TCF4: variants seen among roughly 807,000 people sequenced by gnomAD.
TCF4 encodes SL3-3 enhancer factor 2.
Under a neutral mutation model 82.1 loss-of-function variants are expected in TCF4, and 3 were observed. The observed-to-expected ratio is 0.04, with a 90% confidence interval of 0.02 to 0.09. The LOEUF (loss-of-function observed/expected upper bound fraction) is 0.09, where lower values mean the gene tolerates loss of function less well. TCF4 is among the 10% of genes least tolerant of loss of function. The probability of loss-of-function intolerance (pLI) is 1.00; values close to 1 mark genes in which losing one functional copy is unlikely to be tolerated. For missense variants in TCF4, 518 were observed against 852.7 expected (o/e 0.61, Z 4.89); for synonymous variants, 276 against 309.6 (o/e 0.89, Z 1.14).
chr18:55,248,443 G>T (rs2053980131), intron 15 of TCF4, among the ~76,000 whole-genome samples: 1 of 152,186 alleles, frequency 6.6e-6, no homozygotes, highest in African/African-American at 2.4e-5. Flanking sequence ...CATAGAAACA[G>T]AATCTTCTGA....
intron 3 of TCF4, among the ~76,000 whole-genome samples, chr18:55,507,764 G>T (rs2096779146): frequency 6.6e-6 from 1 of 152,168 alleles, no homozygotes; most frequent in African/African-American, 2.4e-5. Flanking sequence ...GTGGATTGGG[G>T]AGAAGATTTC....
chr18:55,272,576 G>C (rs1568599866), intron 10 of TCF4, among the ~76,000 whole-genome samples: 1 of 152,052 alleles, frequency 6.6e-6, no homozygotes, highest in Non-Finnish European at 1.5e-5. Flanking sequence ...TGATATACTG[G>C]TTGATAATTC....
chr18:55,378,518 T>C (rs1338465926), intron 6 of TCF4, among the ~76,000 whole-genome samples: 1 of 152,182 alleles, frequency 6.6e-6, no homozygotes, highest in Non-Finnish European at 1.5e-5. Flanking sequence ...TTAATGTCAA[T>C]TAATAGATGA....
exon 1 of TCF4, chr18:55,635,945 T>A (rs2148012259): frequency 1.3e-6 from 2 of 1,583,992 alleles, no homozygotes; most frequent in East Asian, 2.3e-5. Context: ...AGAAAGGTGA[T>A]ACTGTAGACA....
At chr18:55,269,402 C>T (rs1378663849) in intron 11 of TCF4, 2 of 268,688 alleles carry the variant, frequency 7.4e-6, no homozygotes, top group East Asian at 1.7e-4. Context: ...ATTAACCAGT[C>T]CTCGGAAGAC....
intron 3 of TCF4, among the ~76,000 whole-genome samples, chr18:55,542,885 T>G (rs1019136724): frequency 9.2e-5 from 14 of 152,100 alleles, no homozygotes; most frequent in Admixed American, 7.2e-4. Context: ...ATTAAACATC[T>G]AAAACTCTTA....
chr18:55,238,068 C>T (rs910163894), intron 15 of TCF4, among the ~76,000 whole-genome samples: 1 of 152,246 alleles, frequency 6.6e-6, no homozygotes, highest in Non-Finnish European at 1.5e-5. Flanking sequence ...ATCCAATGAT[C>T]TTGGCATTCT....
At chr18:55,253,314 C>T (rs895756045) in intron 15 of TCF4, among the ~76,000 whole-genome samples, 4 of 152,040 alleles carry the variant, frequency 2.6e-5, no homozygotes, top group Admixed American at 6.6e-5. Context: ...CATGCTTAAA[C>T]GAGAAATGCT....
intron 11 of TCF4, chr18:55,265,174 AC>A (rs1365589944): frequency 1.3e-5 from 2 of 152,264 alleles, no homozygotes; most frequent in Non-Finnish European, 2.9e-5. Flanking sequence ...TTTAATGCAC[AC>A]CCATCATCTA....
chr18:55,405,818 A>G (rs984300823), intron 5 of TCF4, among the ~76,000 whole-genome samples: 4 of 152,146 alleles, frequency 2.6e-5, no homozygotes, highest in African/African-American at 9.7e-5. Flanking sequence ...AGAGTCCCCA[A>G]AGTACTCTTG....
In TCF4 at chr18:55,286,089, T is replaced by C. The variant is rs2063608440; in HGVS notation, c.550-6433A>G. ...GCAGGAAATAAAAGGAAGAAACTCT[T>C]AATCCGCAATTTAGTCCTTGGCCTC... On this transcript the variant is annotated intron_variant, in intron 8 of 19. Transcript: ENST00000354452. 3.3e-5 allele frequency among the ~76,000 whole-genome samples: 5 copies of C among 152,230 alleles called. No homozygotes were observed. In the South Asian group the frequency reaches 8.3e-4, roughly 25 times the overall value.
chr18:55,455,537 A>AC (rs1001876148), intron 5 of TCF4, among the ~76,000 whole-genome samples: 1 of 142,292 alleles, frequency 7.0e-6, no homozygotes, highest in Non-Finnish European at 1.6e-5. Flanking sequence ...TGGAAAAAAA[A>AC]AAAAAAAAAA....
intron 10 of TCF4, among the ~76,000 whole-genome samples, chr18:55,272,953 G>C (rs1355986414): frequency 3.3e-5 from 5 of 152,144 alleles, no homozygotes; most frequent in African/African-American, 1.2e-4. Flanking sequence ...GTTTCGCCCT[G>C]TAGTGCAAAG....
intron 2 of TCF4, among the ~76,000 whole-genome samples, chr18:55,615,716 G>C (rs971953341): frequency 2.0e-5 from 3 of 151,972 alleles, no homozygotes; most frequent in Non-Finnish European, 4.4e-5. Context: ...GTTTGCTGGG[G>C]AGTTTAGTTA....
intron 15 of TCF4, among the ~76,000 whole-genome samples, chr18:55,247,745 T>C (rs142300078): frequency 0.02 from 3,111 of 152,284 alleles, 58 homozygotes; most frequent in Non-Finnish European, 0.032. Context: ...AGGTTAAATA[T>C]TTGAAGATAG....
At chr18:55,404,669 T>A (rs2093997299) in intron 5 of TCF4, among the ~76,000 whole-genome samples, 1 of 152,214 alleles carries the variant, frequency 6.6e-6, no homozygotes, top group African/African-American at 2.4e-5. Context: ...GTAGTCTTTT[T>A]ATCTTTTAGG....
chr18:55,222,882 A>G lies in TCF4; in HGVS notation c.*5153T>C, dbSNP rs1240804127. On this transcript the variant is annotated 3_prime_UTR_variant, in exon 20 of 20. Coordinates refer to ENST00000354452, the MANE Select transcript of TCF4 (RefSeq NM_001083962.2). ...GTTAGAAAAAAACATCTGGTTGTTT[A>G]CATCTGGATTAATAGTCAACAGAGG... 2.0e-5 allele frequency: 3 copies of G among 152,658 alleles called. No individual in the cohort carries two copies. Among genetic ancestry groups the G allele is most frequent in the Non-Finnish European group, 2.9e-5 (2 of 68,038 alleles). 9.5% of individuals were successfully genotyped at this position (152,658 alleles called of 1,614,324 possible).
At chr18:55,282,353 G>T (rs1430470609) in intron 8 of TCF4, among the ~76,000 whole-genome samples, 1 of 151,890 alleles carries the variant, frequency 6.6e-6, no homozygotes, top group African/African-American at 2.4e-5. Context: ...AATGGTGGCG[G>T]AGACATAGAT....
intron 2 of TCF4, among the ~76,000 whole-genome samples, chr18:55,601,445 G>C (rs1168859451): frequency 7.1e-6 from 1 of 141,608 alleles, no homozygotes; most frequent in Non-Finnish European, 1.5e-5. Context: ...CTGGACTTCT[G>C]ATTTTACATT....
Sources: gnomAD v4.1 joint callset for allele counts (sites outside exome capture counted in the v4.1 genomes callset) on GRCh38, gnomAD v4.1.1 for gene constraint, MANE v1.5 for transcripts, NCBI Gene and HGNC (gene_info 2026-07-23, HGNC 2026-07-21) for gene names.